The following TENM1 variants were observed in gnomAD, a reference collection of about 807,000 sequenced individuals.
The protein encoded by TENM1 is teneurin transmembrane protein 1, also known as teneurin-1.
In TENM1, 35 loss-of-function variants were observed where a neutral mutation model predicts 174.8. The observed-to-expected ratio is 0.20, with a 90% CI of 0.15 to 0.27. TENM1 has a LOEUF of 0.27. Among genes scored for constraint, TENM1 ranks in the 10% least tolerant of loss-of-function variants. TENM1 has a pLI of 1.00. For synonymous variants in TENM1, 781 were observed against 798.7 expected (o/e 0.98, Z 0.37); for missense variants, 1,633 against 2,130.1 (o/e 0.77, Z 4.59).
intron 11 of TENM1, among the ~76,000 whole-genome samples, chrX:124,604,882 C>T (rs189174624): frequency 2.4e-4 from 26 of 109,532 alleles, no homozygotes; most frequent in Non-Finnish European, 3.6e-4. Flanking sequence ...TTCTTAGAAG[C>T]GTTGTTTAAA....
the TENM1 span, among the ~76,000 whole-genome samples, chrX:125,042,676 G>C: frequency 9.0e-6 from 1 of 111,300 alleles, no homozygotes; most frequent in Non-Finnish European, 1.9e-5. Flanking sequence ...GCAGTTTGGA[G>C]AGGAAAAAAA....
intron 11 of TENM1, among the ~76,000 whole-genome samples, chrX:124,637,763 G>C (rs2050915153): frequency 8.9e-6 from 1 of 111,796 alleles, no homozygotes; most frequent in Non-Finnish European, 1.9e-5. Flanking sequence ...TTTAGTGCAA[G>C]GTATTTTCAC....
chrX:124,743,944 A>G (rs756255432), intron 3 of TENM1, among the ~76,000 whole-genome samples: 70 of 111,608 alleles, frequency 6.3e-4, no homozygotes, highest in Non-Finnish European at 5.1e-4. Context: ...CTGTTCTCCA[A>G]TTTGTTGTGC....
intron 5 of TENM1, among the ~76,000 whole-genome samples, chrX:124,703,978 G>A (rs185058158): frequency 2.9e-4 from 33 of 112,149 alleles, no homozygotes; most frequent in Non-Finnish European, 4.9e-4. Flanking sequence ...AAATATAGCC[G>A]TTTATTTACT....
At chrX:124,902,731 C>A (rs1424504614) in intron 1 of TENM1, among the ~76,000 whole-genome samples, 2 of 112,773 alleles carry the variant, frequency 1.8e-5, no homozygotes, top group Non-Finnish European at 3.7e-5. Flanking sequence ...CACAGCTTCA[C>A]TGAACACCCA....
intron 4 of TENM1, among the ~76,000 whole-genome samples, chrX:124,723,971 C>T (rs966040880): frequency 8.9e-6 from 1 of 111,773 alleles, no homozygotes; most frequent in Non-Finnish European, 1.9e-5. Context: ...ATTTTTAAGC[C>T]TTAGTTTTAA....
At chrX:124,713,125 G>T (rs2053098912) in intron 4 of TENM1, among the ~76,000 whole-genome samples, 1 of 111,666 alleles carries the variant, frequency 9.0e-6, no homozygotes, top group Admixed American at 9.5e-5. Context: ...CGTCCACATC[G>T]TTCATAATTT....
At chrX:124,844,682 C>T (rs575898445) in intron 3 of TENM1, among the ~76,000 whole-genome samples, 1 of 111,811 alleles carries the variant, frequency 8.9e-6, no homozygotes, top group Admixed American at 9.5e-5. Context: ...TGTGGAAACT[C>T]GGCAAACATG....
chrX:124,945,659 G>C (rs140922015), intron 1 of TENM1, among the ~76,000 whole-genome samples: 1,703 of 111,239 alleles, frequency 0.015, 27 homozygotes, highest in African/African-American at 0.053. Context: ...GTGGACATAA[G>C]AGTTGCCAGA....
At chrX:125,017,175 C>T in the TENM1 span, among the ~76,000 whole-genome samples, 1 of 112,030 alleles carries the variant, frequency 8.9e-6, no homozygotes, top group Non-Finnish European at 1.9e-5. Flanking sequence ...ATGGCTAAGA[C>T]ACCAAAAGGA....
chrX:124,416,933 C>A (rs1211548300), intron 25 of TENM1, among the ~76,000 whole-genome samples: 2 of 111,961 alleles, frequency 1.8e-5, no homozygotes, highest in Non-Finnish European at 3.8e-5. Context: ...CATATAAGGA[C>A]TCAGCAGGCA....
intron 3 of TENM1, among the ~76,000 whole-genome samples, chrX:124,808,609 T>C (rs188723893): frequency 1.1e-3 from 119 of 112,295 alleles, no homozygotes; most frequent in Middle Eastern, 4.6e-3. Flanking sequence ...TTAATAAGAC[T>C]GAAATCATAT....
intron 3 of TENM1, among the ~76,000 whole-genome samples, chrX:124,809,016 C>A (rs766222060): frequency 5.4e-5 from 6 of 110,781 alleles, no homozygotes; most frequent in Admixed American, 1.9e-4. Flanking sequence ...ATAAAAACAA[C>A]TGAAAAGATG....
the TENM1 span, among the ~76,000 whole-genome samples, chrX:125,071,176 G>A: frequency 4.5e-5 from 5 of 111,396 alleles, no homozygotes; most frequent in East Asian, 8.5e-4. Context: ...CCACAAAAGC[G>A]ACCAGATCTC....
At chrX:124,454,461 T>C (rs1360863394) in intron 22 of TENM1, among the ~76,000 whole-genome samples, 2 of 110,776 alleles carry the variant, frequency 1.8e-5, no homozygotes, top group Admixed American at 1.9e-4. Context: ...CTGGGTACAA[T>C]GGTGCAATCT....
At chrX:125,045,244 G>A in the TENM1 span, among the ~76,000 whole-genome samples, 1 of 111,576 alleles carries the variant, frequency 9.0e-6, no homozygotes, top group Non-Finnish European at 1.9e-5. Context: ...GACACGTGGG[G>A]ATTACCATTG....
At chrX:124,675,038 C>T (rs1038013123) in intron 5 of TENM1, among the ~76,000 whole-genome samples, 1 of 111,380 alleles carries the variant, frequency 9.0e-6, no homozygotes, top group African/African-American at 3.3e-5. Flanking sequence ...ATTAATTTTT[C>T]ACCATCGAAT....
At chrX:125,182,735 G>C in the TENM1 span, among the ~76,000 whole-genome samples, 2 of 110,836 alleles carry the variant, frequency 1.8e-5, no homozygotes, top group Non-Finnish European at 3.8e-5. Context: ...CCAGCACCTA[G>C]CACCATGCCT....
chrX:124,757,397 AC>A (rs1473260769), intron 3 of TENM1, among the ~76,000 whole-genome samples: 2 of 112,163 alleles, frequency 1.8e-5, no homozygotes, highest in Non-Finnish European at 3.8e-5. Flanking sequence ...GCCGTCTATC[AC>A]CCCTTTCTTT....
Sources: allele counts gnomAD v4.1 joint callset (sites outside exome capture counted in the v4.1 genomes callset), GRCh38; gene constraint gnomAD v4.1.1; transcripts MANE v1.5; gene names NCBI Gene and HGNC (gene_info 2026-07-23, HGNC 2026-07-21).